The following IRF6 variants were observed in gnomAD, a reference collection of about 807,000 sequenced individuals.
The protein encoded by IRF6 is interferon regulatory factor 6, also known as Van der Woude syndrome.
IRF6 carries 6 observed loss-of-function variants against 51.4 expected under a neutral mutation model. That is an observed-to-expected ratio of 0.12 (90% confidence interval 0.06 to 0.23). IRF6 has a LOEUF of 0.23. Among genes scored for constraint, IRF6 ranks in the 10% least tolerant of loss-of-function variants. The pLI, the probability that IRF6 is intolerant of heterozygous loss-of-function variation, is 1.00. For missense variants in IRF6, 348 were observed against 585.2 expected (o/e 0.59, Z 4.18); for synonymous variants, 178 against 215.7 (o/e 0.83, Z 1.53).
At position 209,788,138 on chromosome 1, in the gene IRF6, C is replaced by T. The variant is rs2077845386; in HGVS notation, c.*282G>A. On this transcript the variant is annotated 3_prime_UTR_variant, in exon 9 of 9. Transcript: ENST00000367021. ...GACTTGTTCAAGGTCACATTGGAAG[C>T]AAAGCTGCAGCTAGAACTTTGGTGT... The T allele has an allele frequency of 2.2e-6, 1 of 454,146 alleles. No individual in the cohort carries two copies. Among genetic ancestry groups the T allele is most frequent in the Non-Finnish European group, 4.0e-6 (1 of 249,658 alleles). The allele number at this position is 454,146 out of a possible 1,614,324, so 28.1% of individuals were successfully genotyped here. A position where few individuals can be genotyped will look rare whatever the true frequency, so the allele number is the denominator to read the frequency against.
At chr1:209,792,568 T>C in intron 5 of IRF6, 141 bp from the exon 6 acceptor site, 1 of 791,724 alleles carries the variant, frequency 1.3e-6, no homozygotes, top group Non-Finnish European at 2.1e-6. Context: ...CCATCAGTGA[T>C]TCCCATAACT....
At chr1:209,788,951 G>T (rs182306702) in intron 8 of IRF6, among the ~76,000 whole-genome samples, 6 of 152,278 alleles carry the variant, frequency 3.9e-5, no homozygotes, top group Non-Finnish European at 1.5e-5. Flanking sequence ...ACAACTCCAG[G>T]GGCAAAGCCC....
intron 6 of IRF6, 197 bp from the exon 7 acceptor site, chr1:209,791,084 CA>C (rs2077866291): frequency 3.1e-6 from 3 of 979,866 alleles, no homozygotes; most frequent in Non-Finnish European, 3.6e-6. Context: ...TGCCTGAAAG[CA>C]AACAGTTCAA....
In IRF6 at chr1:209,800,622, G is replaced by A. The variant is rs555921561; in HGVS notation, c.174+618C>T. Among the ~76,000 whole-genome samples the A allele has an allele frequency of 6.6e-5, 10 of 152,224 alleles. No individual in the cohort carries two copies. In the South Asian group the frequency reaches 2.1e-3, roughly 32 times the overall value. On this transcript the variant is annotated intron_variant, in intron 3 of 8. Coordinates refer to ENST00000367021, the MANE Select transcript of IRF6 (RefSeq NM_006147.4). The stretch of plus-strand genomic sequence containing the variant: ...AAAAATACAAAAATTAGCCAGGCGT[G>A]GTGGTGTGTGCTTATAGTTCCAGCT...
chr1:209,792,619 G>A (rs2102538986), intron 5 of IRF6, 192 bp from the exon 6 acceptor site: 1 of 616,246 alleles, frequency 1.6e-6, no homozygotes, highest in Non-Finnish European at 2.8e-6. Context: ...CTGCTTCCTA[G>A]TCATATTATT....
chr1:209,805,701 G>A (rs1283709494), intron 1 of IRF6, among the ~76,000 whole-genome samples: 1 of 152,180 alleles, frequency 6.6e-6, no homozygotes, highest in Non-Finnish European at 1.5e-5. Context: ...CGCTTCGGCG[G>A]TGGGGGTAGG....
rs114830137 is a variant in IRF6, at chr1:209,795,502, C to T, written c.380-84G>A. The T allele has an allele frequency of 3.2e-3, 5,040 of 1,598,198 alleles. 16 individuals are homozygous for T. The highest frequency in any genetic ancestry group is 3.9e-3 in the Non-Finnish European group (4,585 of 1,175,076). On this transcript the variant is annotated intron_variant, in intron 4 of 8. Coordinates refer to ENST00000367021, the MANE Select transcript of IRF6 (RefSeq NM_006147.4). The stretch of plus-strand genomic sequence containing the variant: ...GCTGACCCACCATTCAAGCTAGGGA[C>T]TGCTAGCCCAGAGGCTCCTCAGGTT...
Position 209,796,751 on chromosome 1 carries a change from C to G in IRF6, c.175-199G>C, listed in dbSNP as rs17015226. On this transcript the variant is annotated intron_variant, in intron 3 of 8. Coordinates refer to ENST00000367021, the MANE Select transcript of IRF6 (RefSeq NM_006147.4). This position sits in a 1 kb window ranked among gnomAD's most constrained non-coding sequence, Gnocchi z 4.5. Reference sequence around the variant, plus strand: ...CAGCAGGAAACACTGCCCTTAGGACCAGGCAAGACAGGTGCCTAAGGGAAA... The same window carrying G: ...CAGCAGGAAACACTGCCCTTAGGACGAGGCAAGACAGGTGCCTAAGGGAAA... 0.17 allele frequency among the ~76,000 whole-genome samples: 25,813 copies of G among 151,898 alleles called. 2,372 individuals carry two copies. The highest frequency in any genetic ancestry group is 0.22 in the African/African-American group (9,308 of 41,388).
In IRF6 at chr1:209,786,019, G is replaced by C. The variant is rs1232266521; in HGVS notation, c.*2401C>G. ...TGGTGGGGTACACAGTGAGGAAAAA[G>C]AAGAGCTAGTGACAAAATCTAACTC... On this transcript the variant is annotated 3_prime_UTR_variant, in exon 9 of 9. Coordinates refer to ENST00000367021, the MANE Select transcript of IRF6 (RefSeq NM_006147.4). 1 of 152,056 alleles carries C rather than the reference G, an allele frequency of 6.6e-6. No homozygotes were observed. The highest frequency in any genetic ancestry group is 1.5e-5 in the Non-Finnish European group (1 of 68,038). The allele number at this position is 152,056 out of a possible 1,614,324, so 9.4% of individuals were successfully genotyped here.
chr1:209,802,536 T>C lies in IRF6; in HGVS notation c.-75-493A>G, dbSNP rs550260048. Reference sequence around the variant, plus strand: ...GTTTTTACTTAAGATGAGAATGAGATGCCTGGAAAAAGAACACTCATTCAA... The same window carrying C: ...GTTTTTACTTAAGATGAGAATGAGACGCCTGGAAAAAGAACACTCATTCAA... On this transcript the variant is annotated intron_variant, in intron 1 of 8. Transcript: ENST00000367021. Among the ~76,000 whole-genome samples, 298 of 152,330 alleles carry C rather than the reference T, an allele frequency of 2.0e-3. 2 individuals carry two copies. The highest frequency in any genetic ancestry group is 6.8e-3 in the African/African-American group (283 of 41,578).
chr1:209,803,854 CA>C (rs1367822431), intron 1 of IRF6, among the ~76,000 whole-genome samples: 2 of 147,602 alleles, frequency 1.4e-5, no homozygotes, highest in Non-Finnish European at 3.0e-5. Flanking sequence ...GAAATGTTTA[CA>C]ATATGAAGTT....
chr1:209,801,801 GA>G (rs2077945171), intron 2 of IRF6, among the ~76,000 whole-genome samples, 170 bp downstream of exon 2: 2 of 152,200 alleles, frequency 1.3e-5, no homozygotes, highest in South Asian at 4.1e-4. Context: ...GGAGAGGGAA[GA>G]AAAAAGTTAT....
At position 209,805,973 on chromosome 1, in the gene IRF6, G is replaced by C. The variant is rs2077971810; in HGVS notation, c.-102C>G. On this transcript the variant is annotated 5_prime_UTR_variant, in exon 1 of 9. Coordinates refer to ENST00000367021, the MANE Select transcript of IRF6 (RefSeq NM_006147.4). ...TTTGCTCAATCTGTCCACCAGAAGCGGACGTCCCTCCGAACCAAGTCCGCA... is the reference window on the plus strand; with the variant it reads ...TTTGCTCAATCTGTCCACCAGAAGCCGACGTCCCTCCGAACCAAGTCCGCA... The C allele has an allele frequency of 1.3e-5, 2 of 152,306 alleles. No homozygotes were observed. The highest frequency in any genetic ancestry group is 4.8e-5 in the African/African-American group (2 of 41,466). 9.4% of individuals were successfully genotyped at this position (152,306 alleles called of 1,614,324 possible).
chr1:209,794,764 G>A (rs2077890711), intron 5 of IRF6, among the ~76,000 whole-genome samples: 1 of 152,174 alleles, frequency 6.6e-6, no homozygotes. Flanking sequence ...ATTTTCCTAG[G>A]AAGCTGGATT....
chr1:209,788,537 C>G lies in IRF6; in HGVS notation c.1287G>C (p.Lys429Asn), dbSNP rs781337512. 1 of 1,614,082 alleles carries G rather than the reference C, an allele frequency of 6.2e-7. No individual in the cohort carries two copies. The highest frequency in any genetic ancestry group is 2.2e-5 in the East Asian group (1 of 44,872). The change falls in exon 9 of 9, where the codon AAG becomes AAC. Residue 429 changes from lysine to asparagine, a missense_variant. Physicochemically the swap from Lys to Asn is moderately conservative, Grantham distance 94. Coordinates refer to ENST00000367021, the MANE Select transcript of IRF6 (RefSeq NM_006147.4). The stretch of plus-strand genomic sequence containing the variant: ...GCTTCAGCTGAGCAACGATGTTATC[C>G]TTGATGTCTGGGGTTGAGATCTGCA... Reference protein sequence around the residue: ...VRLQISTPDIKDNIVAQLKQL... With the variant: ...VRLQISTPDINDNIVAQLKQL...
chr1:209,795,977 T>G (rs912037026), intron 4 of IRF6, among the ~76,000 whole-genome samples: 1 of 152,182 alleles, frequency 6.6e-6, no homozygotes, highest in Non-Finnish European at 1.5e-5. Context: ...TAAAATGACT[T>G]GATTCAAGTC....
At chr1:209,793,756 T>G (rs2077883707) in intron 5 of IRF6, among the ~76,000 whole-genome samples, 1 of 152,184 alleles carries the variant, frequency 6.6e-6, no homozygotes, top group African/African-American at 2.4e-5. Flanking sequence ...GTGTCTATTG[T>G]TCCCTTCTTT....
In IRF6 at chr1:209,796,025, G is replaced by A. The variant is rs758958043; in HGVS notation, c.379+323C>T. ...AAGTGATAAGGGCCAGGTTTAGAAC[G>A]CAAACCTTTTAAGCTTTAATCCCTT... On this transcript the variant is annotated intron_variant, in intron 4 of 8. Coordinates refer to ENST00000367021, the MANE Select transcript of IRF6 (RefSeq NM_006147.4). The surrounding 1 kb of genome is among the most constrained non-coding windows in gnomAD (Gnocchi z 4.5). Among the ~76,000 whole-genome samples, 4 of 152,116 alleles carry A rather than the reference G, an allele frequency of 2.6e-5. No homozygotes were observed. The highest frequency in any genetic ancestry group is 5.9e-5 in the Non-Finnish European group (4 of 68,018).
intron 3 of IRF6, among the ~76,000 whole-genome samples, chr1:209,797,173 C>T (rs529636501): frequency 2.6e-5 from 4 of 152,060 alleles, no homozygotes; most frequent in East Asian, 1.9e-4. Flanking sequence ...GAGTTTGAGA[C>T]CAGCCTGACC....
Sources: allele counts gnomAD v4.1 joint callset (sites outside exome capture counted in the v4.1 genomes callset), GRCh38; gene constraint gnomAD v4.1.1; non-coding constraint Gnocchi (gnomAD v3.1); transcripts MANE v1.5; gene names NCBI Gene and HGNC (gene_info 2026-07-23, HGNC 2026-07-21).